The following CRYBG3 variants were observed in gnomAD, a reference collection of about 807,000 sequenced individuals.
CRYBG3 encodes crystallin beta-gamma domain containing 3.
A neutral mutation model predicts 244.2 loss-of-function variants in CRYBG3; 127 were observed. The ratio of observed to expected loss-of-function variants is 0.52; its 90% CI spans 0.45 to 0.60. CRYBG3 has a LOEUF of 0.60. Ranked by LOEUF, CRYBG3 falls within the 20% of genes least tolerant of loss-of-function variation. CRYBG3 has a pLI of 0.00. For synonymous variants in CRYBG3, 1,132 were observed against 1,195.8 expected, an observed-to-expected ratio of 0.95 and a Z score of 1.10; for missense variants, 3,325 against 3,442.5, an observed-to-expected ratio of 0.97 and a Z score of 0.85.
chr3:97,943,095 A>G, intron 21 of CRYBG3, 131 bp from the exon 22 acceptor site: 1 of 612,456 alleles, frequency 1.6e-6, no homozygotes, highest in Admixed American at 3.1e-5. Context: ...TCAGCTTCCC[A>G]TTTCAGACTT....
intron 2 of CRYBG3, among the ~76,000 whole-genome samples, chr3:97,863,911 C>T (rs1157846215): frequency 1.3e-5 from 2 of 152,102 alleles, no homozygotes; most frequent in African/African-American, 4.8e-5. Context: ...AGTGTACTTC[C>T]TCTAGGAAGC....
chr3:97,864,685 C>T, intron 3 of CRYBG3, 38 bp downstream of exon 3: 1 of 1,389,680 alleles, frequency 7.2e-7, no homozygotes, highest in Non-Finnish European at 9.6e-7. Flanking sequence ...AAAAATTGAG[C>T]TTTTTGGACC....
Position 97,936,878 on chromosome 3 carries a change from A to G in CRYBG3, c.8475A>G (p.Lys2825=), listed in dbSNP as rs1223613669. 1.9e-6 allele frequency: 3 copies of G among 1,613,040 alleles called. No individual in the cohort carries two copies. The highest frequency in any genetic ancestry group is 1.7e-5 in the Admixed American group (1 of 59,886). The change falls in exon 19 of 22, where the codon AAA becomes AAG. Residue 2825 remains lysine, a synonymous_variant. Transcript: ENST00000389622. ...ACTGGACAGCATTCAGCAGATGGAAAACAATTGGTTCCCTCCGTCCTATGA... is the reference window on the plus strand; with the variant it reads ...ACTGGACAGCATTCAGCAGATGGAAGACAATTGGTTCCCTCCGTCCTATGA... ...IPNWTAFSRW[K]TIGSLRPMKQ... is the part of the protein sequence containing the mutation.
intron 1 of CRYBG3, among the ~76,000 whole-genome samples, chr3:97,834,188 A>G (rs943276357): frequency 3.3e-5 from 5 of 152,286 alleles, no homozygotes; most frequent in South Asian, 4.1e-4. Flanking sequence ...AAAATCAGAT[A>G]TGCTTTATAA....
chr3:97,915,162 G>C (rs1413208523), intron 16 of CRYBG3, among the ~76,000 whole-genome samples: 1 of 152,034 alleles, frequency 6.6e-6, no homozygotes, highest in Non-Finnish European at 1.5e-5. Context: ...ATCTGTTCAG[G>C]TACTTAATAA....
chr3:97,839,637 A>G (rs1036473704), intron 1 of CRYBG3, among the ~76,000 whole-genome samples: 1 of 152,108 alleles, frequency 6.6e-6, no homozygotes, highest in Non-Finnish European at 1.5e-5. Context: ...GCAAATGGAA[A>G]TATGGTTATA....
intron 17 of CRYBG3, among the ~76,000 whole-genome samples, chr3:97,921,181 T>C (rs1265973498): frequency 6.6e-6 from 1 of 151,402 alleles, no homozygotes; most frequent in Non-Finnish European, 1.5e-5. Context: ...TCTAAATTCT[T>C]TGAGATCTAA....
intron 7 of CRYBG3, among the ~76,000 whole-genome samples, chr3:97,883,305 GCTCA>G (rs2039471572): frequency 2.0e-5 from 3 of 152,142 alleles, no homozygotes; most frequent in Admixed American, 2.0e-4. Context: ...CCATTTGAGT[GCTCA>G]CTCTATTAAC....
At chr3:97,856,596 C>T (rs1370921577) in intron 2 of CRYBG3, among the ~76,000 whole-genome samples, 3 of 152,174 alleles carry the variant, frequency 2.0e-5, no homozygotes, top group Admixed American at 6.5e-5. Context: ...TCACAATCCA[C>T]GTTCTTCTGC....
chr3:97,843,900 C>T (rs932353947), intron 2 of CRYBG3, among the ~76,000 whole-genome samples: 1 of 152,074 alleles, frequency 6.6e-6, no homozygotes, highest in Non-Finnish European at 1.5e-5. Context: ...TATGTGATCA[C>T]GTTTTGGTAG....
chr3:97,873,660 C>T lies in CRYBG3; in HGVS notation c.2466C>T (p.Asn822=). 1 of 1,535,512 alleles carries T rather than the reference C, an allele frequency of 6.5e-7. No individual in the cohort carries two copies. Among genetic ancestry groups the T allele is most frequent in the East Asian group, 2.4e-5 (1 of 40,910 alleles). Residue 822 remains asparagine, a synonymous_variant, in exon 4 of 22, where the codon AAC becomes AAT. Coordinates refer to ENST00000389622, the MANE Select transcript of CRYBG3 (RefSeq NM_153605.4). ...CAAAAGCTGAAATTGATGGTCAGAA[C>T]AATGTTCTTGTGGAGTCACATTCTG... The part of the protein sequence containing the change: ...IVSKAEIDGQ[N]NVLVESHSGR...
In CRYBG3 at chr3:97,875,773, A is replaced by G. The variant is rs1448182727; in HGVS notation, c.4579A>G (p.Lys1527Glu). 1.6e-6 allele frequency: 2 copies of G among 1,231,884 alleles called. No individual in the cohort carries two copies. Among genetic ancestry groups the G allele is most frequent in the Non-Finnish European group, 2.0e-6 (2 of 987,872 alleles). 76.3% of individuals were successfully genotyped at this position (1,231,884 alleles called of 1,614,324 possible). A position where few individuals can be genotyped will look rare whatever the true frequency, so the allele number is the denominator to read the frequency against. ...AATGTCAGATGTAGGGAAAGTACAC[A>G]AGAAGGATAATGAAATAAATATAGG... is the stretch of plus-strand genomic sequence containing the variant. Reference protein sequence around the residue: ...LAMSDVGKVHKKDNEINIGKI... With the variant: ...LAMSDVGKVHEKDNEINIGKI... Residue 1527 changes from lysine (K) to glutamate (E), a missense_variant, in exon 4 of 22, where the codon AAG (lysine) becomes GAG (glutamate). Lys to Glu is a moderately conservative substitution (Grantham distance 56). Around this residue, in one of 4 missense-constraint regions of CRYBG3, gnomAD observed 635 missense variants for 771.7 expected, o/e 0.82. Transcript: ENST00000389622.
At chr3:97,861,904 TG>T (rs1236918266) in intron 2 of CRYBG3, among the ~76,000 whole-genome samples, 11 of 152,308 alleles carry the variant, frequency 7.2e-5, no homozygotes, top group African/African-American at 2.6e-4. Context: ...GCTACTTTTT[TG>T]TTTCTAAATT....
In CRYBG3 at chr3:97,943,285, A is replaced by G; in HGVS notation, c.8884A>G (p.Thr2962Ala). The change falls in exon 22 of 22, where the codon ACA (threonine) becomes GCA (alanine). Residue 2962 changes from threonine (T) to alanine (A), a missense_variant. Transcript: ENST00000389622. Reference protein sequence around the residue: ...IVNQPLEGEETQKWDIEIL With the variant: ...IVNQPLEGEEAQKWDIEIL ...AAATCAGCCCCTGGAGGGAGAAGAA[A>G]CACAGAAATGGGACATTGAAATATT... 1.9e-6 allele frequency: 3 copies of G among 1,588,110 alleles called. No individual in the cohort carries two copies. The highest frequency in any genetic ancestry group is 2.6e-6 in the Non-Finnish European group (3 of 1,157,786).
chr3:97,910,363 A>G (rs1382220298), intron 15 of CRYBG3, among the ~76,000 whole-genome samples: 1 of 152,116 alleles, frequency 6.6e-6, no homozygotes, highest in Non-Finnish European at 1.5e-5. Context: ...GCCGCCTTGC[A>G]GTTTGTTCTC....
intron 1 of CRYBG3, among the ~76,000 whole-genome samples, chr3:97,828,008 C>T (rs928259140): frequency 5.3e-5 from 8 of 152,114 alleles, no homozygotes; most frequent in Non-Finnish European, 8.8e-5. Context: ...GAATTATACT[C>T]CTGAGAGTTG....
At chr3:97,895,431 G>T (rs1167315570) in intron 11 of CRYBG3, among the ~76,000 whole-genome samples, 1 of 152,178 alleles carries the variant, frequency 6.6e-6, no homozygotes, top group East Asian at 1.9e-4. Flanking sequence ...TAATAGCTCA[G>T]TCGAATTTCT....
chr3:97,872,992 G>A lies in CRYBG3; in HGVS notation c.1798G>A (p.Val600Ile). The change falls in exon 4 of 22, where the codon GTA (valine) becomes ATA (isoleucine). Residue 600 changes from valine (V) to isoleucine (I), a missense_variant. This residue lies in a region of CRYBG3 where 1,526 missense variants were observed against 1,443.2 expected (regional missense o/e 1.06). Coordinates refer to ENST00000389622, the MANE Select transcript of CRYBG3 (RefSeq NM_153605.4). ...AAATTACATCAGTGAATCAGCAGTTGTAGCAAGCTTAGGAAATGAAAATGC... is the reference window on the plus strand; with the variant it reads ...AAATTACATCAGTGAATCAGCAGTTATAGCAAGCTTAGGAAATGAAAATGC... ...SLNYISESAV[V>I]ASLGNENAPE... 6.5e-7 allele frequency: 1 copy of A among 1,535,810 alleles called. No homozygotes were observed. Among genetic ancestry groups the A allele is most frequent in the Non-Finnish European group, 8.7e-7 (1 of 1,146,800 alleles).
chr3:97,834,766 G>A (rs984805543), intron 1 of CRYBG3, among the ~76,000 whole-genome samples: 1 of 152,086 alleles, frequency 6.6e-6, no homozygotes, highest in Non-Finnish European at 1.5e-5. Context: ...ATTAACATTA[G>A]GTAATATTTG....
Sources: allele counts gnomAD v4.1 joint callset (sites outside exome capture counted in the v4.1 genomes callset), GRCh38; gene constraint gnomAD v4.1.1; regional missense constraint gnomAD v4.1.1; transcripts MANE v1.5; gene names NCBI Gene and HGNC (gene_info 2026-07-23, HGNC 2026-07-21).